Variants in GALNT15 observed in about 807,000 individuals in gnomAD.
The protein encoded by GALNT15 is UDP-GalNAc transferase T15.
In GALNT15, 67 loss-of-function variants were observed where a neutral mutation model predicts 66.8. That is an observed-to-expected ratio of 1.00 (90% CI 0.82 to 1.23). The LOEUF (loss-of-function observed/expected upper bound fraction) is 1.23, where lower values mean the gene tolerates loss of function less well. GALNT15 is among the 50% of genes most tolerant of loss of function. The probability of loss-of-function intolerance (pLI) is 0.00; values close to 1 mark genes in which losing one functional copy is unlikely to be tolerated. For synonymous variants in GALNT15, 313 were observed against 311.5 expected, an observed-to-expected ratio of 1.00 and a Z score of -0.05; for missense variants, 827 against 804.3, an observed-to-expected ratio of 1.03 and a Z score of -0.34.
chr3:16,193,828 C>T lies in GALNT15; in HGVS notation c.540-1932C>T, dbSNP rs923463584. Among the ~76,000 whole-genome samples, 3 of 152,200 alleles carry T rather than the reference C, an allele frequency of 2.0e-5. No individual in the cohort carries two copies. The highest frequency in any genetic ancestry group is 1.3e-4 in the Admixed American group (2 of 15,272). On this transcript the variant is annotated intron_variant, in intron 1 of 9. Transcript: ENST00000339732. The surrounding 1 kb of genome is among the most constrained non-coding windows in gnomAD (Gnocchi z 4.7). Reference sequence around the variant, plus strand: ...CCTCTGAGGAGGAACATAGTTTGAGCAGCAGCTGCAACTCAGAAAGAGGCT... The same window carrying T: ...CCTCTGAGGAGGAACATAGTTTGAGTAGCAGCTGCAACTCAGAAAGAGGCT...
chr3:16,227,673 T>C lies in GALNT15; in HGVS notation c.*173T>C. On this transcript the variant is annotated 3_prime_UTR_variant, in exon 10 of 10. Coordinates refer to ENST00000339732, the MANE Select transcript of GALNT15 (RefSeq NM_054110.5). The surrounding 1 kb of genome is among the most constrained non-coding windows in gnomAD (Gnocchi z 4.5). ...GAAGTTTCTCCTTTTCACACCTTAT[T>C]TCATTGACTGCTGGCTGCTTTAAAA... 7.0e-7 allele frequency: 1 copy of C among 1,434,484 alleles called. No homozygotes were observed. Among genetic ancestry groups the C allele is most frequent in the Non-Finnish European group, 9.0e-7 (1 of 1,105,388 alleles). The allele number at this position is 1,434,484 out of a possible 1,614,324, so 88.9% of individuals were successfully genotyped here. A position where few individuals can be genotyped will look rare whatever the true frequency, so the allele number is the denominator to read the frequency against.
Position 16,227,610 on chromosome 3 carries a change from G to T in GALNT15, c.*110G>T, listed in dbSNP as rs1048619. 0.14 allele frequency: 215,621 copies of T among 1,569,744 alleles called. 15,921 individuals carry two copies. The highest frequency in any genetic ancestry group is 0.15 in the Middle Eastern group (897 of 5,844). ...CTGATCCTTTTGTGTGTGTGCTCCT[G>T]GTGTTAGGAGAGAAAAAAGCTCTAT... On this transcript the variant is annotated 3_prime_UTR_variant, in exon 10 of 10. Transcript: ENST00000339732. The surrounding 1 kb of genome is among the most constrained non-coding windows in gnomAD (Gnocchi z 4.5).
intron 3 of GALNT15, among the ~76,000 whole-genome samples, chr3:16,205,477 C>T (rs2063747195): frequency 6.6e-6 from 1 of 152,210 alleles, no homozygotes; most frequent in African/African-American, 2.4e-5. Context: ...GAAACATAAG[C>T]ACTTGATCTC....
At chr3:16,244,390 C>T in the GALNT15 span, among the ~76,000 whole-genome samples, 1 of 152,228 alleles carries the variant, frequency 6.6e-6, no homozygotes, top group Non-Finnish European at 1.5e-5. Context: ...ATTCCAGGGG[C>T]AGACTCTGCT....
At chr3:16,245,847 A>C in the GALNT15 span, among the ~76,000 whole-genome samples, 11 of 152,254 alleles carry the variant, frequency 7.2e-5, no homozygotes, top group Non-Finnish European at 1.6e-4. Context: ...TGTTTCTGCA[A>C]GCTCCAGGGA....
chr3:16,223,100 G>C (rs1233331614), intron 9 of GALNT15, among the ~76,000 whole-genome samples: 4 of 152,142 alleles, frequency 2.6e-5, no homozygotes, highest in Admixed American at 6.5e-5. Flanking sequence ...CACCTTGGTG[G>C]TGTGGTTTTA....
chr3:16,219,569 G>A lies in GALNT15; in HGVS notation c.1524+35G>A, dbSNP rs1283062819. 6.2e-7 allele frequency: 1 copy of A among 1,609,014 alleles called. No individual in the cohort carries two copies. The highest frequency in any genetic ancestry group is 1.3e-5 in the African/African-American group (1 of 74,672). Reference sequence around the variant, plus strand: ...GACCCAGGGAAGATGGGGAGGGACAGGGAAGCTTCCCAAGACAAGAACTAG... The same window carrying A: ...GACCCAGGGAAGATGGGGAGGGACAAGGAAGCTTCCCAAGACAAGAACTAG... On this transcript the variant is annotated intron_variant, in intron 7 of 9. Coordinates refer to ENST00000339732, the MANE Select transcript of GALNT15 (RefSeq NM_054110.5). This position sits in a 1 kb window ranked among gnomAD's most constrained non-coding sequence, Gnocchi z 4.3.
At chr3:16,216,475 C>A (rs1385197962) in intron 6 of GALNT15, among the ~76,000 whole-genome samples, 2 of 143,468 alleles carry the variant, frequency 1.4e-5, no homozygotes, top group Non-Finnish European at 3.0e-5. Flanking sequence ...CTTTAGCCTG[C>A]GAGCCAGAGC....
chr3:16,179,941 C>T (rs150684681), intron 1 of GALNT15, among the ~76,000 whole-genome samples: 72 of 152,296 alleles, frequency 4.7e-4, no homozygotes, highest in African/African-American at 1.7e-3. Flanking sequence ...TCCTGTAGCA[C>T]GGATGGTTTT....
chr3:16,218,706 T>C (rs1339786107), intron 6 of GALNT15, among the ~76,000 whole-genome samples: 1 of 152,008 alleles, frequency 6.6e-6, no homozygotes, highest in South Asian at 2.1e-4. Context: ...ATGAGGCCCC[T>C]CGTAGTTTCT....
At position 16,175,032 on chromosome 3, in the gene GALNT15, C is replaced by A; in HGVS notation, c.-120C>A. On this transcript the variant is annotated 5_prime_UTR_variant, in exon 1 of 10. It adds an upstream start codon to the 5' untranslated region. Coordinates refer to ENST00000339732, the MANE Select transcript of GALNT15 (RefSeq NM_054110.5). This position sits in a 1 kb window ranked among gnomAD's most constrained non-coding sequence, Gnocchi z 5.6. ...CAAATGTCAGGACCAGGTTAAGTGA[C>A]TGGCAGAAAAACTTCCAGGTGGAAC... 1 of 870,512 alleles carries A rather than the reference C, an allele frequency of 1.1e-6. No homozygotes were observed. The highest frequency in any genetic ancestry group is 1.8e-6 in the Non-Finnish European group (1 of 566,784). The allele number at this position is 870,512 out of a possible 1,614,324, so 53.9% of individuals were successfully genotyped here.
At position 16,190,512 on chromosome 3, in the gene GALNT15, C is replaced by T. The variant is rs1010097914; in HGVS notation, c.540-5248C>T. Among the ~76,000 whole-genome samples the T allele has an allele frequency of 2.0e-5, 3 of 152,076 alleles. No individual in the cohort carries two copies. The East Asian group carries it at 5.8e-4, about 29-fold the overall frequency. On this transcript the variant is annotated intron_variant, in intron 1 of 9. Transcript: ENST00000339732. ...AATTAGCCGGGCGTGGTGGCGGGCG[C>T]CTGTAGTCCCAGCTACTCAGGAGGC...
intron 1 of GALNT15, among the ~76,000 whole-genome samples, chr3:16,178,797 T>C (rs2063440330): frequency 6.6e-6 from 1 of 152,220 alleles, no homozygotes; most frequent in Non-Finnish European, 1.5e-5. Context: ...GCACCGCTGC[T>C]TTCCCACCAG....
At position 16,176,600 on chromosome 3, in the gene GALNT15, C is replaced by G. The variant is rs1194083671; in HGVS notation, c.539+910C>G. Among the ~76,000 whole-genome samples the G allele has an allele frequency of 6.6e-6, 1 of 152,206 alleles. No homozygotes were observed. The highest frequency in any genetic ancestry group is 1.5e-5 in the Non-Finnish European group (1 of 68,032). On this transcript the variant is annotated intron_variant, in intron 1 of 9. Transcript: ENST00000339732. The surrounding 1 kb of genome is among the most constrained non-coding windows in gnomAD (Gnocchi z 5.6). ...GGAGATGCTGGCCCATCCTCCACACCCCCTGCTCCCTTACTGTCACCATGG... is the reference window on the plus strand; with the variant it reads ...GGAGATGCTGGCCCATCCTCCACACGCCCTGCTCCCTTACTGTCACCATGG...
chr3:16,225,005 A>C lies in GALNT15; in HGVS notation c.1773+2247A>C, dbSNP rs545731266. 9.3e-4 allele frequency among the ~76,000 whole-genome samples: 142 copies of C among 152,274 alleles called. 1 individual carries two copies. The highest frequency in any genetic ancestry group is 1.6e-3 in the Admixed American group (25 of 15,298). ...GGGTAATTTATAAGAAAAAAGGTGTAATTGGCTCATGGTTCTGCAGGCTGT... is the reference window on the plus strand; with the variant it reads ...GGGTAATTTATAAGAAAAAAGGTGTCATTGGCTCATGGTTCTGCAGGCTGT... On this transcript the variant is annotated intron_variant, in intron 9 of 9. Transcript: ENST00000339732. The surrounding 1 kb of genome is among the most constrained non-coding windows in gnomAD (Gnocchi z 4.4).
Position 16,174,821 on chromosome 3 carries a change from G to A in GALNT15, c.-331G>A. 1.2e-5 allele frequency: 4 copies of A among 338,010 alleles called. No individual in the cohort carries two copies. Among genetic ancestry groups the A allele is most frequent in the Non-Finnish European group, 1.6e-5 (3 of 181,976 alleles). The allele number at this position is 338,010 out of a possible 1,614,324, so 20.9% of individuals were successfully genotyped here. ...GGGGAAAGAAACACCTGAGCAGAAT[G>A]GAATCATTATTTTTTTCCCAAGGAG... On this transcript the variant is annotated 5_prime_UTR_variant, in exon 1 of 10. It removes an upstream start codon present in the reference 5' UTR. Coordinates refer to ENST00000339732, the MANE Select transcript of GALNT15 (RefSeq NM_054110.5). This position sits in a 1 kb window ranked among gnomAD's most constrained non-coding sequence, Gnocchi z 4.7.
chr3:16,205,457 T>C (rs1330816434), intron 3 of GALNT15, among the ~76,000 whole-genome samples: 6 of 152,196 alleles, frequency 3.9e-5, no homozygotes, highest in African/African-American at 1.2e-4. Context: ...ACTCCTTCTG[T>C]TTGCCTTTTG....
intron 3 of GALNT15, among the ~76,000 whole-genome samples, chr3:16,201,337 A>C (rs9870429): frequency 2.1e-3 from 326 of 151,934 alleles, no homozygotes; most frequent in Non-Finnish European, 3.5e-3. Context: ...GCCCGCCACC[A>C]CACCCGGCTA....
In GALNT15 at chr3:16,208,561, C is replaced by G. The variant is rs12634179; in HGVS notation, c.970C>G (p.Pro324Ala). ...VIDWKTFQYY[P>A]SKDLQRGVLD... ...TGACTGGAAGACTTTCCAGTATTAC[C>G]CCTCAAAGGACCTGCAGCGTGGGGT... Residue 324 changes from proline (P) to alanine (A), a missense_variant, in exon 4 of 10, where the codon CCC (proline) becomes GCC (alanine). Pro to Ala is a conservative substitution (Grantham distance 27, BLOSUM62 -1). Transcript: ENST00000339732. 4.2e-3 allele frequency: 6,740 copies of G among 1,614,086 alleles called. 156 individuals carry two copies. In the East Asian group the frequency reaches 0.051, roughly 12 times the overall value.
Sources: allele counts gnomAD v4.1 joint callset (sites outside exome capture counted in the v4.1 genomes callset), GRCh38; gene constraint gnomAD v4.1.1; non-coding constraint Gnocchi (gnomAD v3.1); transcripts MANE v1.5; gene names NCBI Gene and HGNC (gene_info 2026-07-23, HGNC 2026-07-21).